Variants in CCDC172 observed in about 807,000 individuals in gnomAD.
CCDC172 encodes the protein coiled-coil domain containing 172.
Under a neutral mutation model 38.0 loss-of-function variants are expected in CCDC172, and 30 were observed. The observed-to-expected ratio is 0.79, with a 90% CI of 0.59 to 1.07. The LOEUF is 1.07. CCDC172 is among the 50% of genes least tolerant of loss of function. CCDC172 has a pLI of 0.00. For missense variants in CCDC172, 297 were observed against 290.1 expected (o/e 1.02, Z -0.17); for synonymous variants, 78 against 88.3 (o/e 0.88, Z 0.66).
chr10:116,346,339 A>G (rs1316498767), intron 5 of CCDC172, among the ~76,000 whole-genome samples: 2 of 151,896 alleles, frequency 1.3e-5, no homozygotes, highest in East Asian at 3.9e-4. Flanking sequence ...CAAAATTGAC[A>G]TATCTATGCA....
intron 3 of CCDC172, among the ~76,000 whole-genome samples, chr10:116,336,965 A>T (rs1844740170): frequency 6.6e-6 from 1 of 152,182 alleles, no homozygotes; most frequent in African/African-American, 2.4e-5. Context: ...TTGACCAGAT[A>T]AGTCAGCTCA....
chr10:116,357,441 A>C lies in CCDC172; in HGVS notation c.510A>C (p.Glu170Asp). The change falls in exon 6 of 9, where the codon GAA (glutamate) becomes GAC (aspartate). Residue 170 changes from glutamate to aspartate, a missense_variant. By Grantham distance (45) the Glu-to-Asp change is conservative (BLOSUM62 2). Transcript: ENST00000333254. ...ATGAACTTCAAAAACAAAAGAGTGA[A>C]TTGATACAAGAATTATTTACTCTCC... The part of the protein sequence containing the change: ...QLNELQKQKS[E>D]LIQELFTLQR... 1 of 1,584,572 alleles carries C rather than the reference A, an allele frequency of 6.3e-7. No homozygotes were observed. The highest frequency in any genetic ancestry group is 8.6e-7 in the Non-Finnish European group (1 of 1,167,978).
chr10:116,324,784 G>A (rs1398930857), intron 1 of CCDC172, among the ~76,000 whole-genome samples, 163 bp from the exon 2 acceptor site: 26 of 152,210 alleles, frequency 1.7e-4, no homozygotes. Context: ...AAGGCTGAGG[G>A]CAGGAAGGGG....
chr10:116,371,799 A>C (rs542896526), intron 7 of CCDC172, among the ~76,000 whole-genome samples: 38 of 152,212 alleles, frequency 2.5e-4, no homozygotes, highest in African/African-American at 7.5e-4. Flanking sequence ...AATGAAAAGC[A>C]CTGGAAAGAC....
At chr10:116,377,196 A>G (rs917169411) in intron 7 of CCDC172, among the ~76,000 whole-genome samples, 2 of 152,166 alleles carry the variant, frequency 1.3e-5, no homozygotes, top group African/African-American at 2.4e-5. Flanking sequence ...AAAAATCAGT[A>G]TAAACATTTA....
intron 3 of CCDC172, among the ~76,000 whole-genome samples, chr10:116,334,159 T>C (rs1844701167): frequency 6.6e-6 from 1 of 152,204 alleles, no homozygotes; most frequent in Non-Finnish European, 1.5e-5. Flanking sequence ...ATCAGATTAT[T>C]ACTCTAAAAT....
At chr10:116,336,693 A>T (rs922590119) in intron 3 of CCDC172, among the ~76,000 whole-genome samples, 4 of 151,338 alleles carry the variant, frequency 2.6e-5, no homozygotes, top group Admixed American at 6.6e-5. Context: ...TTTTTTTTTT[A>T]AATGTAAAAT....
intron 7 of CCDC172, among the ~76,000 whole-genome samples, chr10:116,374,821 G>A (rs928887448): frequency 3.8e-4 from 57 of 150,410 alleles, no homozygotes; most frequent in Non-Finnish European, 1.0e-4. Context: ...TATTACATTA[G>A]ATAAAAGAGT....
chr10:116,361,136 C>T (rs1353398795), intron 7 of CCDC172, among the ~76,000 whole-genome samples: 3 of 151,026 alleles, frequency 2.0e-5, no homozygotes, highest in Middle Eastern at 3.5e-3. Context: ...AGGCATGCAC[C>T]GCCACGCCTG....
At chr10:116,348,897 G>A (rs1358668314) in intron 5 of CCDC172, among the ~76,000 whole-genome samples, 4 of 152,048 alleles carry the variant, frequency 2.6e-5, no homozygotes, top group Admixed American at 1.3e-4. Flanking sequence ...CAACCCCTGG[G>A]CCAGTACTGG....
chr10:116,378,771 G>T (rs1365545237), intron 8 of CCDC172, among the ~76,000 whole-genome samples: 1 of 152,204 alleles, frequency 6.6e-6, no homozygotes, highest in Non-Finnish European at 1.5e-5. Context: ...AGCAACTTTA[G>T]ATCTGACCTC....
intron 7 of CCDC172, among the ~76,000 whole-genome samples, chr10:116,370,564 G>T (rs1845175440): frequency 6.6e-6 from 1 of 150,702 alleles, no homozygotes; most frequent in South Asian, 2.1e-4. Context: ...GTATCCCACT[G>T]TTCTATTTAT....
At chr10:116,341,039 G>T (rs1053340901) in intron 4 of CCDC172, among the ~76,000 whole-genome samples, 189 bp downstream of exon 4, 1 of 151,958 alleles carries the variant, frequency 6.6e-6, no homozygotes, top group African/African-American at 2.4e-5. Flanking sequence ...AAGTATATGG[G>T]CAGGGATGTA....
At chr10:116,367,589 C>G (rs1845137802) in intron 7 of CCDC172, among the ~76,000 whole-genome samples, 1 of 151,842 alleles carries the variant, frequency 6.6e-6, no homozygotes, top group Non-Finnish European at 1.5e-5. Flanking sequence ...ACTCAGGAGG[C>G]TGAGGCAGGA....
chr10:116,358,693 T>C (rs974999675), intron 7 of CCDC172, among the ~76,000 whole-genome samples: 2 of 152,200 alleles, frequency 1.3e-5, no homozygotes, highest in Admixed American at 6.5e-5. Context: ...GCAATAATTT[T>C]AGTAGATTGT....
At chr10:116,368,627 C>T (rs992195926) in intron 7 of CCDC172, among the ~76,000 whole-genome samples, 3 of 151,842 alleles carry the variant, frequency 2.0e-5, no homozygotes, top group Admixed American at 6.6e-5. Flanking sequence ...GTGTTCCAGG[C>T]TCTTCTTTTA....
intron 7 of CCDC172, among the ~76,000 whole-genome samples, chr10:116,376,530 C>T (rs1482579123): frequency 6.6e-6 from 1 of 152,104 alleles, no homozygotes; most frequent in African/African-American, 2.4e-5. Context: ...TTACTATTTT[C>T]CACATTAAAT....
At chr10:116,362,778 A>G (rs1024280578) in intron 7 of CCDC172, among the ~76,000 whole-genome samples, 8 of 152,142 alleles carry the variant, frequency 5.3e-5, no homozygotes, top group African/African-American at 7.2e-5. Flanking sequence ...TTTTAGCTCT[A>G]TATTTTGCTG....
At chr10:116,333,088 C>A (rs1030244296) in intron 3 of CCDC172, among the ~76,000 whole-genome samples, 6 of 151,956 alleles carry the variant, frequency 3.9e-5, no homozygotes, top group African/African-American at 1.4e-4. Context: ...TGTTTGCATC[C>A]TTTTAAGAAC....
Sources: gnomAD v4.1 joint callset for allele counts (sites outside exome capture counted in the v4.1 genomes callset) on GRCh38, gnomAD v4.1.1 for gene constraint, MANE v1.5 for transcripts, NCBI Gene and HGNC (gene_info 2026-07-23, HGNC 2026-07-21) for gene names.